CRACR2A: variants seen among roughly 807,000 people sequenced by gnomAD.
The protein encoded by CRACR2A is calcium release activated channel regulator 2A, also known as EF-hand calcium-binding domain-containing protein 4B.
Under a neutral mutation model 90.5 loss-of-function variants are expected in CRACR2A, and 79 were observed. The ratio of observed to expected loss-of-function variants is 0.87; its 90% CI spans 0.73 to 1.05. The LOEUF (loss-of-function observed/expected upper bound fraction) is 1.05, where lower values mean the gene tolerates loss of function less well. CRACR2A is among the 50% of genes least tolerant of loss of function. The pLI is 0.00. For missense variants in CRACR2A, 823 were observed against 897.2 expected, an observed-to-expected ratio of 0.92 and a Z score of 1.06; for synonymous variants, 338 against 356.7, an observed-to-expected ratio of 0.95 and a Z score of 0.59.
At chr12:3,677,744 C>T (rs569247175) in intron 6 of CRACR2A, among the ~76,000 whole-genome samples, 1 of 152,218 alleles carries the variant, frequency 6.6e-6, no homozygotes, top group Non-Finnish European at 1.5e-5. Flanking sequence ...TGGTCGACAC[C>T]TGCTGCAGCC....
chr12:3,615,441 T>C lies in CRACR2A; in HGVS notation c.2112-2A>G. The C allele has an allele frequency of 6.5e-7, 1 of 1,549,144 alleles. No individual in the cohort carries two copies. The highest frequency in any genetic ancestry group is 1.2e-5 in the South Asian group (1 of 83,718). ...GTGTCTTCTTGCTCCTTGAGGAACC[T>C]GGGAGAGGGGAAGAGATCGTGTCAG... On this transcript the variant is annotated splice_acceptor_variant, in intron 19 of 19. Transcript: ENST00000440314. LOFTEE classifies it high-confidence loss of function.
chr12:3,644,373 G>C (rs1422018338), intron 12 of CRACR2A, among the ~76,000 whole-genome samples: 2 of 152,118 alleles, frequency 1.3e-5, no homozygotes, highest in African/African-American at 2.4e-5. Flanking sequence ...TTTCAGTCTT[G>C]TTGTGCCAAG....
intron 13 of CRACR2A, among the ~76,000 whole-genome samples, chr12:3,640,080 C>A (rs1322807693): frequency 6.6e-6 from 1 of 152,188 alleles, no homozygotes; most frequent in East Asian, 1.9e-4. Flanking sequence ...CAAAGCATTT[C>A]TTGGAAAAAG....
intron 13 of CRACR2A, 106 bp downstream of exon 13, chr12:3,641,626 A>G: frequency 2.2e-6 from 2 of 923,224 alleles, no homozygotes; most frequent in Non-Finnish European, 3.3e-6. Context: ...AGCTGACCTC[A>G]GTTTCCGCAC....
intron 1 of CRACR2A, among the ~76,000 whole-genome samples, chr12:3,739,848 C>T (rs1178683684): frequency 6.6e-6 from 1 of 151,494 alleles, no homozygotes; most frequent in East Asian, 1.9e-4. Context: ...GCAGGAGAAT[C>T]GCTTGAACCA....
At chr12:3,727,066 A>G (rs1946280208) in intron 2 of CRACR2A, 1 of 150,350 alleles carries the variant, frequency 6.7e-6, no homozygotes, top group Non-Finnish European at 1.5e-5. Context: ...AAGGTGGGAG[A>G]ATTCCTTGAA....
At chr12:3,747,613 C>T (rs1201194494) in intron 1 of CRACR2A, among the ~76,000 whole-genome samples, 1 of 152,212 alleles carries the variant, frequency 6.6e-6, no homozygotes, top group Non-Finnish European at 1.5e-5. Flanking sequence ...AAACCAATCA[C>T]CCAGGTAATA....
intron 12 of CRACR2A, among the ~76,000 whole-genome samples, chr12:3,642,974 A>G (rs1465181852): frequency 6.6e-6 from 1 of 152,210 alleles, no homozygotes; most frequent in Non-Finnish European, 1.5e-5. Flanking sequence ...TATTGAATTT[A>G]TCCCTTTCTT....
chr12:3,717,859 C>T (rs1196726273), intron 2 of CRACR2A, among the ~76,000 whole-genome samples: 2 of 152,204 alleles, frequency 1.3e-5, no homozygotes, highest in Non-Finnish European at 2.9e-5. Context: ...CCAAAGCATT[C>T]CAACTCGGTG....
intron 14 of CRACR2A, among the ~76,000 whole-genome samples, chr12:3,637,252 C>G (rs572202280): frequency 6.0e-4 from 91 of 152,318 alleles, no homozygotes; most frequent in African/African-American, 2.1e-3. Context: ...CTTTCTAAAG[C>G]AGAACCTGCC....
At chr12:3,707,606 G>T (rs1945947595) in intron 3 of CRACR2A, among the ~76,000 whole-genome samples, 1 of 152,186 alleles carries the variant, frequency 6.6e-6, no homozygotes, top group Non-Finnish European at 1.5e-5. Flanking sequence ...TTAATTAGAT[G>T]TATTTCAAGG....
At chr12:3,667,108 G>A (rs1381749625) in intron 7 of CRACR2A, among the ~76,000 whole-genome samples, 1 of 152,184 alleles carries the variant, frequency 6.6e-6, no homozygotes, top group Non-Finnish European at 1.5e-5. Flanking sequence ...GCAAAGAGAA[G>A]GAGAATCCCT....
chr12:3,685,898 A>G (rs1426193956), intron 4 of CRACR2A, among the ~76,000 whole-genome samples: 1 of 152,244 alleles, frequency 6.6e-6, no homozygotes, highest in Non-Finnish European at 1.5e-5. Flanking sequence ...TGTTATCTGT[A>G]TCTTACCACA....
chr12:3,630,813 A>G (rs7136318), intron 15 of CRACR2A, among the ~76,000 whole-genome samples: 3,946 of 152,320 alleles, frequency 0.026, 166 homozygotes, highest in African/African-American at 0.089. Context: ...AGGACGCCCC[A>G]GTCACCAGTT....
At chr12:3,732,765 A>C (rs1946381613) in intron 2 of CRACR2A, 177 bp downstream of exon 2, 1 of 152,252 alleles carries the variant, frequency 6.6e-6, no homozygotes, top group African/African-American at 2.4e-5. Context: ...AGGTGGTTTG[A>C]GAGTCCACTT....
At chr12:3,624,621 G>A (rs1211719126) in intron 17 of CRACR2A, among the ~76,000 whole-genome samples, 5 of 152,200 alleles carry the variant, frequency 3.3e-5, no homozygotes, top group African/African-American at 1.2e-4. Flanking sequence ...CTATCATACT[G>A]AGTCCCAGAG....
intron 15 of CRACR2A, among the ~76,000 whole-genome samples, chr12:3,630,617 C>T (rs35469411): frequency 0.25 from 38,000 of 152,070 alleles, 5,176 homozygotes; most frequent in South Asian, 0.37. Context: ...GTCCTGGGTT[C>T]CAGGGAGATC....
intron 9 of CRACR2A, among the ~76,000 whole-genome samples, chr12:3,654,673 C>T (rs1427938505): frequency 6.6e-6 from 1 of 152,310 alleles, no homozygotes; most frequent in East Asian, 1.9e-4. Flanking sequence ...TCAAAAAGAC[C>T]ACTAGCAAAG....
At chr12:3,673,331 GA>G in intron 7 of CRACR2A, 114 bp downstream of exon 7, 2 of 1,323,332 alleles carry the variant, frequency 1.5e-6, no homozygotes, top group Non-Finnish European at 2.1e-6. Flanking sequence ...CACTTTGGCA[GA>G]CAGCAAAAGG....
Sources: gnomAD v4.1 joint callset for allele counts (sites outside exome capture counted in the v4.1 genomes callset) on GRCh38, gnomAD v4.1.1 for gene constraint, MANE v1.5 for transcripts, NCBI Gene and HGNC (gene_info 2026-07-23, HGNC 2026-07-21) for gene names.